PARD3B: variants seen among roughly 807,000 people sequenced by gnomAD.
PARD3B encodes par-3 family cell polarity regulator beta.
In PARD3B, 103 loss-of-function variants were observed where a neutral mutation model predicts 130.2. That is an observed-to-expected ratio of 0.79 (90% CI 0.67 to 0.93). PARD3B has a LOEUF of 0.93. PARD3B is among the 40% of genes least tolerant of loss of function. The pLI is 0.00. For synonymous variants in PARD3B, 583 were observed against 553.2 expected (o/e 1.05, Z -0.76); for missense variants, 1,609 against 1,499.2 (o/e 1.07, Z -1.21).
chr2:204,764,226 T>A (rs1006970537), intron 2 of PARD3B, among the ~76,000 whole-genome samples: 6 of 152,320 alleles, frequency 3.9e-5, no homozygotes, highest in African/African-American at 1.4e-4. Flanking sequence ...AGGCATGAAT[T>A]TCTGGTAGCT....
chr2:205,426,132 A>G (rs1163241452), intron 19 of PARD3B, among the ~76,000 whole-genome samples: 2 of 152,192 alleles, frequency 1.3e-5, no homozygotes, highest in Non-Finnish European at 1.5e-5. Flanking sequence ...ATAGACACCC[A>G]GAGAGGAATG....
At chr2:205,103,382 A>ATAT (rs1472760673) in intron 4 of PARD3B, among the ~76,000 whole-genome samples, 22 of 147,368 alleles carry the variant, frequency 1.5e-4, no homozygotes, top group South Asian at 4.2e-4. Context: ...TAAAATAAAT[A>ATAT]TTTATATAAA....
At chr2:204,718,650 A>G (rs931664988) in intron 2 of PARD3B, among the ~76,000 whole-genome samples, 2 of 152,180 alleles carry the variant, frequency 1.3e-5, no homozygotes, top group African/African-American at 4.8e-5. Context: ...CATCCTCAAC[A>G]TTGTTATGAC....
intron 10 of PARD3B, among the ~76,000 whole-genome samples, chr2:205,137,872 A>G (rs1447378827): frequency 6.6e-6 from 1 of 152,232 alleles, no homozygotes. Context: ...CATAAGTCTT[A>G]ACTTTGGAAG....
In PARD3B at chr2:204,545,779, G is replaced by A. The variant is rs1373581105; in HGVS notation, c.-221G>A. Reference sequence around the variant, plus strand: ...GTCCCGGGCCGCCGGGCACCTGGGAGGTAACCCCTTTCCGCGGCCGCCCCT... The same window carrying A: ...GTCCCGGGCCGCCGGGCACCTGGGAAGTAACCCCTTTCCGCGGCCGCCCCT... On this transcript the variant is annotated 5_prime_UTR_variant, in exon 1 of 23. Transcript: ENST00000406610. The A allele has an allele frequency of 8.7e-6, 4 of 461,074 alleles. No homozygotes were observed. The highest frequency in any genetic ancestry group is 1.5e-5 in the Non-Finnish European group (4 of 267,680). 28.6% of individuals were successfully genotyped at this position (461,074 alleles called of 1,614,324 possible). A position where few individuals can be genotyped will look rare whatever the true frequency, so the allele number is the denominator to read the frequency against.
At position 204,595,963 on chromosome 2, in the gene PARD3B, A is replaced by G. The variant is rs377054266; in HGVS notation, c.120+49844A>G. On this transcript the variant is annotated intron_variant, in intron 1 of 22. Coordinates refer to ENST00000406610, the MANE Select transcript of PARD3B (RefSeq NM_001302769.2). ...GAGCAACTGATTATTTGCAGGTGCT[A>G]TGCTAGATGCTGCAAGCAAAACATG... Among the ~76,000 whole-genome samples the G allele has an allele frequency of 5.3e-5, 8 of 152,370 alleles. No homozygotes were observed. The South Asian group carries it at 1.7e-3, about 32-fold the overall frequency.
At chr2:204,954,813 C>A (rs1374542472) in intron 2 of PARD3B, among the ~76,000 whole-genome samples, 1 of 152,190 alleles carries the variant, frequency 6.6e-6, no homozygotes, top group Non-Finnish European at 1.5e-5. Context: ...TATGCAAAAT[C>A]CATCACTTTG....
chr2:205,301,935 A>G lies in PARD3B; in HGVS notation c.2630+234A>G, dbSNP rs528828805. The stretch of plus-strand genomic sequence containing the variant: ...TTGTTGTCAAAGAAAGGTCAACACT[A>G]TGCCAGGCACGGTGGCTCATGCCTG... On this transcript the variant is annotated intron_variant, in intron 18 of 22. Transcript: ENST00000406610. This position sits in a 1 kb window ranked among gnomAD's most constrained non-coding sequence, Gnocchi z 5.2. 4.1e-6 allele frequency: 3 copies of G among 725,018 alleles called. No homozygotes were observed. The highest frequency in any genetic ancestry group is 2.7e-5 in the East Asian group (1 of 37,366). 44.9% of individuals were successfully genotyped at this position (725,018 alleles called of 1,614,324 possible). A position where few individuals can be genotyped will look rare whatever the true frequency, so the allele number is the denominator to read the frequency against.
Position 204,940,350 on chromosome 2 carries a change from G to C in PARD3B, c.223-24802G>C, listed in dbSNP as rs112028138. Among the ~76,000 whole-genome samples, 17 of 152,158 alleles carry C rather than the reference G, an allele frequency of 1.1e-4. 1 individual carries two copies. Among genetic ancestry groups the C allele is most frequent in the Non-Finnish European group, 1.6e-4 (11 of 68,026 alleles). On this transcript the variant is annotated intron_variant, in intron 2 of 22. Coordinates refer to ENST00000406610, the MANE Select transcript of PARD3B (RefSeq NM_001302769.2). The stretch of plus-strand genomic sequence containing the variant: ...AAGAGGTGGTGATCTGAGAGTTAAA[G>C]GGATAAATCAGAAAGTAGTGACAAT...
Position 205,384,521 on chromosome 2 carries a change from G to A in PARD3B, c.2631-16492G>A, listed in dbSNP as rs993397080. 4.6e-5 allele frequency among the ~76,000 whole-genome samples: 7 copies of A among 152,112 alleles called. No individual in the cohort carries two copies. In the East Asian group the frequency reaches 1.4e-3, roughly 29 times the overall value. On this transcript the variant is annotated intron_variant, in intron 18 of 22. Coordinates refer to ENST00000406610, the MANE Select transcript of PARD3B (RefSeq NM_001302769.2). Reference sequence around the variant, plus strand: ...TTGTTGATTCAATGATGGACTTATGGTCAGTCCTAAAAGTCCACCTAAAAT... The same window carrying A: ...TTGTTGATTCAATGATGGACTTATGATCAGTCCTAAAAGTCCACCTAAAAT...
chr2:204,595,440 T>C (rs190503942), intron 1 of PARD3B, among the ~76,000 whole-genome samples: 2 of 152,366 alleles, frequency 1.3e-5, no homozygotes, highest in East Asian at 3.9e-4. Flanking sequence ...GGTTTGACTC[T>C]TCTCCATCCT....
At chr2:205,308,861 A>G (rs989523356) in intron 18 of PARD3B, among the ~76,000 whole-genome samples, 3 of 152,188 alleles carry the variant, frequency 2.0e-5, no homozygotes, top group Admixed American at 2.0e-4. Flanking sequence ...AACTAATCCA[A>G]AATAATTGAT....
intron 7 of PARD3B, 124 bp downstream of exon 7, chr2:205,119,170 G>T: frequency 7.8e-7 from 1 of 1,279,340 alleles, no homozygotes. Flanking sequence ...AACGATCCAG[G>T]ATATCCATTT....
At chr2:205,429,870 T>C (rs1245159303) in intron 19 of PARD3B, among the ~76,000 whole-genome samples, 1 of 152,164 alleles carries the variant, frequency 6.6e-6, no homozygotes, top group African/African-American at 2.4e-5. Flanking sequence ...GAGAATCTGT[T>C]CCATCTTCTT....
intron 21 of PARD3B, among the ~76,000 whole-genome samples, chr2:205,526,412 C>T (rs572740029): frequency 2.0e-4 from 31 of 152,242 alleles, no homozygotes; most frequent in Non-Finnish European, 3.7e-4. Context: ...GAGTACTTGC[C>T]TTTGTGGCCC....
chr2:205,302,949 C>T (rs140194372), intron 18 of PARD3B, among the ~76,000 whole-genome samples: 47 of 152,290 alleles, frequency 3.1e-4, no homozygotes, highest in African/African-American at 6.3e-4. Flanking sequence ...ATTGACTAGA[C>T]GGGGCTCAAC....
chr2:204,737,276 G>A (rs947824211), intron 2 of PARD3B, among the ~76,000 whole-genome samples: 3 of 152,070 alleles, frequency 2.0e-5, no homozygotes, highest in African/African-American at 7.2e-5. Context: ...CTTTTTAATC[G>A]TGGCCATTCT....
intron 2 of PARD3B, among the ~76,000 whole-genome samples, chr2:204,757,704 T>C (rs2040738397): frequency 6.6e-6 from 1 of 152,192 alleles, no homozygotes; most frequent in Admixed American, 6.6e-5. Context: ...TTAAAACTTT[T>C]AATTTTTATT....
intron 16 of PARD3B, among the ~76,000 whole-genome samples, chr2:205,246,830 AT>A (rs889893371): frequency 1.1e-4 from 16 of 151,376 alleles, no homozygotes; most frequent in African/African-American, 2.9e-4. Flanking sequence ...CAACTCTTAG[AT>A]TTTTTTTTCT....
Sources: gnomAD v4.1 joint callset for allele counts (sites outside exome capture counted in the v4.1 genomes callset) on GRCh38, gnomAD v4.1.1 for gene constraint, Gnocchi (gnomAD v3.1) non-coding constraint, MANE v1.5 for transcripts, NCBI Gene and HGNC (gene_info 2026-07-23, HGNC 2026-07-21) for gene names.